Variants in ZC3HC1 observed in about 807,000 individuals in gnomAD.
ZC3HC1 encodes the protein zinc finger C3HC-type containing 1.
A neutral mutation model predicts 61.9 loss-of-function variants in ZC3HC1; 38 were observed. The ratio of observed to expected loss-of-function variants is 0.61; its 90% CI spans 0.47 to 0.81. ZC3HC1 has a LOEUF of 0.81. ZC3HC1 is among the 30% of genes least tolerant of loss of function. ZC3HC1 has a pLI of 0.00. For synonymous variants in ZC3HC1, 213 were observed against 229.9 expected (o/e 0.93, Z 0.67); for missense variants, 554 against 622.7 (o/e 0.89, Z 1.17).
At chr7:130,044,251 C>G (rs1232838600) in intron 2 of ZC3HC1, among the ~76,000 whole-genome samples, 1 of 152,162 alleles carries the variant, frequency 6.6e-6, no homozygotes, top group Non-Finnish European at 1.5e-5. Context: ...CTCTCCTGGG[C>G]TCAGGCAATT....
At chr7:130,036,289 A>G (rs1794428201) in intron 4 of ZC3HC1, among the ~76,000 whole-genome samples, 1 of 152,124 alleles carries the variant, frequency 6.6e-6, no homozygotes. Flanking sequence ...AGGCAGAGGC[A>G]GGTGGATCAC....
intron 4 of ZC3HC1, among the ~76,000 whole-genome samples, chr7:130,035,389 C>CAAAA (rs1418163522): frequency 1.7e-5 from 1 of 59,212 alleles, no homozygotes. Context: ...GAGACTGTCT[C>CAAAA]AAAAAAAAAA....
At chr7:130,020,834 GA>G (rs1396754749) in intron 9 of ZC3HC1, among the ~76,000 whole-genome samples, 2 of 152,114 alleles carry the variant, frequency 1.3e-5, no homozygotes, top group South Asian at 4.1e-4. Flanking sequence ...GAGAAATGCG[GA>G]TTTTTTTTTC....
chr7:130,027,837 A>G (rs1793988197), intron 5 of ZC3HC1, among the ~76,000 whole-genome samples: 1 of 151,922 alleles, frequency 6.6e-6, no homozygotes, highest in Non-Finnish European at 1.5e-5. Context: ...GCATTTAAAC[A>G]TTTCTACTCA....
chr7:130,038,281 C>T (rs527640804), intron 4 of ZC3HC1, among the ~76,000 whole-genome samples: 29 of 152,308 alleles, frequency 1.9e-4, no homozygotes, highest in East Asian at 1.2e-3. Flanking sequence ...GCTGTAATGA[C>T]ACCCTTACTT....
intron 4 of ZC3HC1, among the ~76,000 whole-genome samples, chr7:130,029,837 T>TA (rs1408878947): frequency 6.6e-6 from 1 of 152,200 alleles, no homozygotes; most frequent in Non-Finnish European, 1.5e-5. Context: ...AGTTATAACT[T>TA]ACTGTGAGCT....
At chr7:130,036,142 G>A (rs1214563714) in intron 4 of ZC3HC1, among the ~76,000 whole-genome samples, 2 of 151,414 alleles carry the variant, frequency 1.3e-5, no homozygotes, top group Non-Finnish European at 2.9e-5. Context: ...CAATTCAGGG[G>A]ATTTTCTTTG....
upstream of ZC3HC1, chr7:130,051,419 C>G (rs1795075168): frequency 1.2e-6 from 2 of 1,606,420 alleles, no homozygotes; most frequent in East Asian, 2.2e-5. Context: ...CCGGAACTTC[C>G]GTCCTGGGAG....
chr7:130,029,149 T>A (rs1220537089), intron 4 of ZC3HC1, 120 bp from the exon 5 acceptor site: 17 of 1,123,218 alleles, frequency 1.5e-5, no homozygotes, highest in Non-Finnish European at 1.5e-5. Context: ...GGCGGGCGGA[T>A]CACCTGAGGT....
At chr7:130,025,432 T>C (rs1198295710) in intron 6 of ZC3HC1, among the ~76,000 whole-genome samples, 2 of 151,710 alleles carry the variant, frequency 1.3e-5, no homozygotes, top group Non-Finnish European at 2.9e-5. Context: ...CCAGCTGGTG[T>C]TTCCTATGGT....
intron 9 of ZC3HC1, among the ~76,000 whole-genome samples, chr7:130,019,220 T>G (rs2116634931): frequency 6.6e-6 from 1 of 152,112 alleles, no homozygotes; most frequent in African/African-American, 2.4e-5. Context: ...GGCTAATTTT[T>G]TGTATTTTTA....
chr7:130,030,514 A>G (rs967408033), intron 4 of ZC3HC1, among the ~76,000 whole-genome samples: 23 of 151,314 alleles, frequency 1.5e-4, no homozygotes, highest in Non-Finnish European at 3.4e-4. Flanking sequence ...ATCAGCTTTA[A>G]TAAAGAATGA....
intron 2 of ZC3HC1, among the ~76,000 whole-genome samples, chr7:130,046,116 G>C (rs1794856280): frequency 6.6e-6 from 1 of 152,128 alleles, no homozygotes; most frequent in Non-Finnish European, 1.5e-5. Flanking sequence ...ATGGACACAT[G>C]AGGGGAACGA....
At chr7:130,020,481 C>T (rs569679105) in intron 9 of ZC3HC1, among the ~76,000 whole-genome samples, 12 of 151,890 alleles carry the variant, frequency 7.9e-5, no homozygotes, top group Admixed American at 6.6e-4. Flanking sequence ...ACGCTGGTCT[C>T]GAACTCCTGA....
In ZC3HC1 at chr7:130,018,492, C is replaced by A; in HGVS notation, c.*172G>T. ...CATCCCTGAAAGGAAACGGGTCTCT[C>A]TCAGCCAGATGCAGATAGTTGACAC... On this transcript the variant is annotated 3_prime_UTR_variant, in exon 10 of 10. Transcript: ENST00000358303. 1.7e-6 allele frequency: 1 copy of A among 584,336 alleles called. No individual in the cohort carries two copies. The highest frequency in any genetic ancestry group is 3.1e-6 in the Non-Finnish European group (1 of 325,322). The allele number at this position is 584,336 out of a possible 1,614,324, so 36.2% of individuals were successfully genotyped here. A position where few individuals can be genotyped will look rare whatever the true frequency, so the allele number is the denominator to read the frequency against.
Position 130,019,162 on chromosome 7 carries a change from T to C in ZC3HC1, c.1441-430A>G, listed in dbSNP as rs1386941172. On this transcript the variant is annotated intron_variant, in intron 9 of 9. Coordinates refer to ENST00000358303, the MANE Select transcript of ZC3HC1 (RefSeq NM_016478.5). ...TCTGCCTCCCGGGTTCACGCCATTC[T>C]CCTGCCTCACCCAGTAGCTGGGACT... Among the ~76,000 whole-genome samples, 5 of 151,236 alleles carry C rather than the reference T, an allele frequency of 3.3e-5. No homozygotes were observed. In the East Asian group the frequency reaches 9.8e-4, roughly 30 times the overall value.
rs752710532 is a variant in ZC3HC1, at chr7:130,026,171, C to T, written c.763G>A (p.Gly255Ser). 6.2e-7 allele frequency: 1 copy of T among 1,613,644 alleles called. No individual in the cohort carries two copies. The highest frequency in any genetic ancestry group is 8.5e-7 in the Non-Finnish European group (1 of 1,179,680). The change falls in exon 6 of 10, where the codon GGC (glycine) becomes AGC (serine). Residue 255 changes from glycine to serine, a missense_variant. Gly to Ser is a moderately conservative substitution (Grantham distance 56, BLOSUM62 0). Coordinates refer to ENST00000358303, the MANE Select transcript of ZC3HC1 (RefSeq NM_016478.5). ...HVTACILSVCGWACSSSLESM... is the reference protein window; with the variant it reads ...HVTACILSVCSWACSSSLESM... ...CTGCTGACTCACCTACACGCCCAGC[C>T]ACACACAGAGAGAATACAGGCAGTG...
chr7:130,041,678 G>A (rs765714893), intron 2 of ZC3HC1, among the ~76,000 whole-genome samples: 9 of 151,810 alleles, frequency 5.9e-5, no homozygotes, highest in Non-Finnish European at 1.2e-4. Flanking sequence ...ACAGGCATCT[G>A]CCACTGCACC....
chr7:130,022,270 C>A, intron 9 of ZC3HC1, 49 bp downstream of exon 9: 1 of 1,610,934 alleles, frequency 6.2e-7, no homozygotes, highest in Non-Finnish European at 8.5e-7. Context: ...TGCTCCACCT[C>A]CCATAAACAG....
Sources: allele counts gnomAD v4.1 joint callset (sites outside exome capture counted in the v4.1 genomes callset), GRCh38; gene constraint gnomAD v4.1.1; transcripts MANE v1.5; gene names NCBI Gene and HGNC (gene_info 2026-07-23, HGNC 2026-07-21).